LIFR: variants seen among roughly 807,000 people sequenced by gnomAD.
The protein encoded by LIFR is leukemia inhibitory factor receptor.
Under a neutral mutation model 122.2 loss-of-function variants are expected in LIFR, and 84 were observed. That is an observed-to-expected ratio of 0.69 (90% CI 0.58 to 0.82). The LOEUF (loss-of-function observed/expected upper bound fraction) is 0.82. Among genes scored for constraint, LIFR ranks in the 40% least tolerant of loss-of-function variants. The pLI, the probability that LIFR is intolerant of heterozygous loss-of-function variation, is 0.00. For missense variants in LIFR, 1,294 were observed against 1,311.6 expected, an observed-to-expected ratio of 0.99 and a Z score of 0.21; for synonymous variants, 422 against 434.7, an observed-to-expected ratio of 0.97 and a Z score of 0.36.
chr5:38,576,453 A>G (rs561219903), intron 1 of LIFR, among the ~76,000 whole-genome samples: 5 of 152,352 alleles, frequency 3.3e-5, no homozygotes, highest in Middle Eastern at 3.4e-3. Context: ...CTTGACATCC[A>G]GAGCCAGATA....
rs1743880167 is a variant in LIFR at position 38,479,536 on chromosome 5, T to C, written c.*2059A>G. On this transcript the variant is annotated 3_prime_UTR_variant, in exon 20 of 20. Coordinates refer to ENST00000453190, the MANE Select transcript of LIFR (RefSeq NM_001127671.2). Reference sequence around the variant, plus strand: ...ATATTGACAGACAGAGATCAAACAATCTCTTCTGGCCTTTTCTCATTATCT... The same window carrying C: ...ATATTGACAGACAGAGATCAAACAACCTCTTCTGGCCTTTTCTCATTATCT... 4.3e-6 allele frequency: 1 copy of C among 231,374 alleles called. No homozygotes were observed. Among genetic ancestry groups the C allele is most frequent in the Non-Finnish European group, 8.5e-6 (1 of 116,960 alleles). 14.3% of individuals were successfully genotyped at this position (231,374 alleles called of 1,614,324 possible).
At chr5:38,552,770 T>C (rs1748272138) in intron 1 of LIFR, among the ~76,000 whole-genome samples, 1 of 152,224 alleles carries the variant, frequency 6.6e-6, no homozygotes, top group South Asian at 2.1e-4. Flanking sequence ...GATTGGCTGA[T>C]GTCAAAGGCC....
At chr5:38,591,123 C>G (rs937814689) in intron 1 of LIFR, among the ~76,000 whole-genome samples, 3 of 152,190 alleles carry the variant, frequency 2.0e-5, no homozygotes, top group African/African-American at 7.2e-5. Context: ...TCACAACAAC[C>G]CTATCCCTAT....
chr5:38,522,490 T>C (rs1030891667), intron 5 of LIFR, among the ~76,000 whole-genome samples: 21 of 152,232 alleles, frequency 1.4e-4, no homozygotes, highest in African/African-American at 5.1e-4. Flanking sequence ...CCCTCCTCCA[T>C]TTAAAGTCTT....
chr5:38,570,005 T>C (rs1749157809), intron 1 of LIFR, among the ~76,000 whole-genome samples: 1 of 152,104 alleles, frequency 6.6e-6, no homozygotes, highest in Non-Finnish European at 1.5e-5. Context: ...CCTTCGTCAA[T>C]AGCTAGATGA....
chr5:38,514,775 C>A (rs1402601446), intron 5 of LIFR, among the ~76,000 whole-genome samples: 2 of 152,142 alleles, frequency 1.3e-5, no homozygotes, highest in African/African-American at 4.8e-5. Context: ...CACTTCTTGT[C>A]CTTATTCCTT....
chr5:38,583,004 ATTTG>A (rs1392485820), intron 1 of LIFR, among the ~76,000 whole-genome samples: 3 of 152,112 alleles, frequency 2.0e-5, no homozygotes, highest in Non-Finnish European at 2.9e-5. Flanking sequence ...CATTGTAATT[ATTTG>A]TTTATTTGTC....
At chr5:38,522,243 G>C (rs990169979) in intron 5 of LIFR, among the ~76,000 whole-genome samples, 9 of 152,330 alleles carry the variant, frequency 5.9e-5, no homozygotes, top group African/African-American at 2.2e-4. Context: ...GCAGTTGCAG[G>C]CAGGGGACTC....
At chr5:38,523,028 C>A (rs779061049) in intron 5 of LIFR, among the ~76,000 whole-genome samples, 12 of 152,144 alleles carry the variant, frequency 7.9e-5, no homozygotes, top group Non-Finnish European at 1.3e-4. Flanking sequence ...AAAAAAAATT[C>A]TCTATGGCTA....
chr5:38,491,762 C>T (rs901700757), intron 14 of LIFR, among the ~76,000 whole-genome samples: 1 of 152,148 alleles, frequency 6.6e-6, no homozygotes, highest in Non-Finnish European at 1.5e-5. Context: ...TTTCCTTAAA[C>T]GTTTGTTATG....
rs764162435 is a variant in LIFR at position 38,476,667 on chromosome 5, C to CA, written c.*4927dup. 9,228 of 181,504 alleles carry CA rather than the reference C, an allele frequency of 0.051. 174 individuals carry two copies. The highest frequency in any genetic ancestry group is 0.1 in the Middle Eastern group (51 of 496). The allele number at this position is 181,504 out of a possible 1,614,324, so 11.2% of individuals were successfully genotyped here. On this transcript the variant is annotated 3_prime_UTR_variant, in exon 20 of 20. Transcript: ENST00000453190. ...TTTTAGGGTATTCAGTCCCAGCAAC[C>CA]AAAAAAAAAAATGTAAATCATATTT...
chr5:38,533,975 C>T (rs1213034000), intron 1 of LIFR, among the ~76,000 whole-genome samples: 2 of 152,190 alleles, frequency 1.3e-5, no homozygotes, highest in Admixed American at 6.5e-5. Flanking sequence ...TAAGCTGGAA[C>T]ACTCGAGGGA....
At chr5:38,496,988 A>C (rs1005382997) in intron 12 of LIFR, among the ~76,000 whole-genome samples, 1 of 151,638 alleles carries the variant, frequency 6.6e-6, no homozygotes, top group African/African-American at 2.4e-5. Flanking sequence ...AAAACAAAAA[A>C]CAACCAGTTA....
At chr5:38,574,927 C>G (rs1466258623) in intron 1 of LIFR, among the ~76,000 whole-genome samples, 2 of 152,126 alleles carry the variant, frequency 1.3e-5, no homozygotes, top group Non-Finnish European at 2.9e-5. Flanking sequence ...TCCCCTGCAA[C>G]CCTGCAATTC....
At position 38,476,610 on chromosome 5, in the gene LIFR, A is replaced by T. The variant is rs1287309997; in HGVS notation, c.*4985T>A. ...ATAATATAAATCAACTTTCTTATCA[A>T]TTAGACATTTTCCCCACTCACATCT... On this transcript the variant is annotated 3_prime_UTR_variant, in exon 20 of 20. Transcript: ENST00000453190. 4.9e-6 allele frequency: 1 copy of T among 205,346 alleles called. No individual in the cohort carries two copies. The highest frequency in any genetic ancestry group is 1.0e-5 in the Non-Finnish European group (1 of 100,384). The allele number at this position is 205,346 out of a possible 1,614,324, so 12.7% of individuals were successfully genotyped here. A position where few individuals can be genotyped will look rare whatever the true frequency, so the allele number is the denominator to read the frequency against.
rs907046324 is a variant in LIFR at position 38,485,927 on chromosome 5, TCA to T, written c.2387_2388del (p.Leu796GlnfsTer4). 7 of 1,613,916 alleles carry T rather than the reference TCA, an allele frequency of 4.3e-6. No individual in the cohort carries two copies. The highest frequency in any genetic ancestry group is 5.9e-6 in the Non-Finnish European group (7 of 1,179,754). Reference sequence around the variant, plus strand: ...GTTTTACCTTGAAGATCAGCAATTCTCAGTGTCTTCTGGGATATGTCAGTAAT... The same window carrying T: ...GTTTTACCTTGAAGATCAGCAATTCTGTGTCTTCTGGGATATGTCAGTAAT... ...KNITDISQKT[L>X]RIADLQGKTS... On this transcript the variant is annotated frameshift_variant, in exon 17 of 20. Coordinates refer to ENST00000453190, the MANE Select transcript of LIFR (RefSeq NM_001127671.2). LOFTEE classifies it high-confidence loss of function.
intron 1 of LIFR, among the ~76,000 whole-genome samples, chr5:38,589,244 C>CTTATGTTA (rs1472431812): frequency 6.6e-6 from 1 of 151,764 alleles, no homozygotes; most frequent in East Asian, 1.9e-4. Context: ...TGTTACTGAT[C>CTTATGTTA]TCATTTTAAA....
chr5:38,528,264 C>G (rs1377775712), intron 3 of LIFR, among the ~76,000 whole-genome samples: 2 of 152,206 alleles, frequency 1.3e-5, no homozygotes, highest in African/African-American at 4.8e-5. Context: ...TGCACAAAAA[C>G]CACAGCCTTG....
chr5:38,548,832 T>G (rs1748036463), intron 1 of LIFR, among the ~76,000 whole-genome samples: 1 of 152,212 alleles, frequency 6.6e-6, no homozygotes, highest in South Asian at 2.1e-4. Context: ...CAAAATAGTT[T>G]GTCAGAATGC....
Sources: allele counts gnomAD v4.1 joint callset (sites outside exome capture counted in the v4.1 genomes callset), GRCh38; gene constraint gnomAD v4.1.1; transcripts MANE v1.5; gene names NCBI Gene and HGNC (gene_info 2026-07-23, HGNC 2026-07-21).